Variants in STK32B observed in about 807,000 individuals in gnomAD.
STK32B encodes the protein serine/threonine kinase 32B.
Under a neutral mutation model 52.6 loss-of-function variants are expected in STK32B, and 43 were observed. The observed-to-expected ratio is 0.82, with a 90% CI of 0.64 to 1.05. The LOEUF (loss-of-function observed/expected upper bound fraction) is 1.05, where lower values mean the gene tolerates loss of function less well. Ranked by LOEUF, STK32B falls within the 50% of genes least tolerant of loss-of-function variation. The pLI is 0.00. For synonymous variants in STK32B, 238 were observed against 204.3 expected (o/e 1.17, Z -1.41); for missense variants, 621 against 534.6 (o/e 1.16, Z -1.59).
intron 6 of STK32B, among the ~76,000 whole-genome samples, chr4:5,443,529 C>T (rs1361539848): frequency 6.6e-6 from 1 of 152,132 alleles, no homozygotes; most frequent in African/African-American, 2.4e-5. Context: ...AAGTTTTCAA[C>T]TTCTTTGCCT....
At chr4:5,406,499 G>A (rs1737683754) in intron 5 of STK32B, among the ~76,000 whole-genome samples, 1 of 152,064 alleles carries the variant, frequency 6.6e-6, no homozygotes, top group East Asian at 1.9e-4. Context: ...TCTCAACGAG[G>A]GCCCCACCCC....
rs149151521 is a variant in STK32B at position 5,173,886 on chromosome 4, C to T, written c.260+5436C>T. Among the ~76,000 whole-genome samples, 366 of 152,220 alleles carry T rather than the reference C, an allele frequency of 2.4e-3. 6 individuals carry two copies. In the East Asian group the frequency reaches 0.053, roughly 22 times the overall value. ...TTAACTTTTTGTCTCATTGATCTGT[C>T]TAATGTTGACAGTGGGATGTTAAAG... On this transcript the variant is annotated intron_variant, in intron 3 of 11. Transcript: ENST00000282908.
At chr4:5,474,364 G>A (rs1024419205) in intron 11 of STK32B, among the ~76,000 whole-genome samples, 2 of 152,206 alleles carry the variant, frequency 1.3e-5, no homozygotes, top group African/African-American at 4.8e-5. Flanking sequence ...CAGCCTCTCT[G>A]AGCCTCGGAC....
chr4:5,085,725 C>T (rs1447679735), intron 1 of STK32B, among the ~76,000 whole-genome samples: 3 of 152,128 alleles, frequency 2.0e-5, no homozygotes, highest in African/African-American at 7.2e-5. Context: ...AAGGCTTAGA[C>T]AACCCAAGAG....
chr4:5,277,026 C>A (rs1727867353), intron 3 of STK32B, among the ~76,000 whole-genome samples: 1 of 152,238 alleles, frequency 6.6e-6, no homozygotes, highest in African/African-American at 2.4e-5. Context: ...ACCAGTTTCT[C>A]CAGATGAACT....
intron 1 of STK32B, among the ~76,000 whole-genome samples, chr4:5,123,710 CT>C (rs1715195923): frequency 6.6e-6 from 1 of 152,088 alleles, no homozygotes; most frequent in Admixed American, 6.5e-5. Flanking sequence ...AGGGCCCCAC[CT>C]TTTTGACCCA....
chr4:5,073,142 A>G (rs989723420), intron 1 of STK32B, among the ~76,000 whole-genome samples: 10 of 151,954 alleles, frequency 6.6e-5, no homozygotes, highest in African/African-American at 2.2e-4. Context: ...TATTTGGTAT[A>G]TTTATATTTA....
chr4:5,211,816 T>C (rs764607203), intron 3 of STK32B, among the ~76,000 whole-genome samples: 99 of 152,282 alleles, frequency 6.5e-4, no homozygotes, highest in Non-Finnish European at 1.0e-3. Context: ...CATTTTACAC[T>C]GTGAATCACG....
chr4:5,213,295 A>G (rs748184314), intron 3 of STK32B, among the ~76,000 whole-genome samples: 4 of 152,122 alleles, frequency 2.6e-5, no homozygotes, highest in Non-Finnish European at 5.9e-5. Context: ...AAGCCGACTA[A>G]TGATCATTTT....
At chr4:5,485,720 A>C (rs1719119291) in intron 11 of STK32B, among the ~76,000 whole-genome samples, 1 of 152,062 alleles carries the variant, frequency 6.6e-6, no homozygotes, top group African/African-American at 2.4e-5. Context: ...TTGTGGTTTT[A>C]TCTACCTTTG....
intron 11 of STK32B, among the ~76,000 whole-genome samples, chr4:5,480,825 A>G (rs535866005): frequency 6.6e-6 from 1 of 151,668 alleles, no homozygotes; most frequent in South Asian, 2.1e-4. Flanking sequence ...CAGTGATAAC[A>G]TGCGGTGTTT....
In STK32B at chr4:5,468,044, G is replaced by T. The variant is rs777155245; in HGVS notation, c.1080G>T (p.Glu360Asp). The T allele has an allele frequency of 1.2e-6, 2 of 1,614,032 alleles. No homozygotes were observed. The highest frequency in any genetic ancestry group is 2.7e-5 in the African/African-American group (2 of 74,920). ...AGCACTGTTTGGAGACTGTCCGGGA[G>T]GAATTCATCATATTCAACAGAGAGA... ...HLQHCLETVR[E>D]EFIIFNREKL... Residue 360 changes from glutamate to aspartate, a missense_variant, in exon 11 of 12, where the codon GAG becomes GAT. Transcript: ENST00000282908.
At chr4:5,365,965 C>T (rs1029627449) in intron 4 of STK32B, among the ~76,000 whole-genome samples, 4 of 151,866 alleles carry the variant, frequency 2.6e-5, no homozygotes, top group Non-Finnish European at 5.9e-5. Context: ...TACAGATGTG[C>T]CTGAAGAGTT....
chr4:5,410,353 T>C (rs2109062118), intron 5 of STK32B, among the ~76,000 whole-genome samples: 2 of 151,854 alleles, frequency 1.3e-5, no homozygotes, highest in Admixed American at 1.3e-4. Flanking sequence ...GATGTTCACC[T>C]GAGATTTATT....
At chr4:5,042,715 GA>G in the STK32B span, among the ~76,000 whole-genome samples, 1 of 152,306 alleles carries the variant, frequency 6.6e-6, no homozygotes, top group East Asian at 1.9e-4. Flanking sequence ...CCTTGCAGGG[GA>G]ATGGGAGGAA....
chr4:5,226,820 T>C (rs1577215003), intron 3 of STK32B, among the ~76,000 whole-genome samples: 1 of 152,336 alleles, frequency 6.6e-6, no homozygotes, highest in East Asian at 1.9e-4. Flanking sequence ...CCTGGTTATA[T>C]AGGGTTTGGT....
In STK32B at chr4:5,456,901, G is replaced by C. The variant is rs769289357; in HGVS notation, c.761G>C (p.Gly254Ala). Residue 254 changes from glycine (G) to alanine (A), a missense_variant, in exon 8 of 12, where the codon GGG becomes GCG. Physicochemically the swap from Gly to Ala is moderately conservative, Grantham distance 60. Coordinates refer to ENST00000282908, the MANE Select transcript of STK32B (RefSeq NM_018401.3). ...RVHYSSTWCK[G>A]MVALLRKLLT... ...CACTACTCCTCCACGTGGTGCAAGG[G>C]GATGGTGGCCCTGCTGAGGAAGGTA... 4 of 1,577,564 alleles carry C rather than the reference G, an allele frequency of 2.5e-6. No individual in the cohort carries two copies. The Admixed American group carries it at 5.4e-5, about 21-fold the overall frequency.
intron 4 of STK32B, among the ~76,000 whole-genome samples, chr4:5,352,681 TATG>T (rs762545013): frequency 8.0e-5 from 12 of 150,660 alleles, no homozygotes; most frequent in Admixed American, 7.9e-4. Context: ...GATGATATGA[TATG>T]ATATCTAGAA....
chr4:5,383,766 G>A (rs563364033), intron 4 of STK32B, among the ~76,000 whole-genome samples: 1 of 152,182 alleles, frequency 6.6e-6, no homozygotes, highest in Non-Finnish European at 1.5e-5. Context: ...GACCTCTGGG[G>A]CTGTGTCTGA....
Sources: gnomAD v4.1 joint callset for allele counts (sites outside exome capture counted in the v4.1 genomes callset) on GRCh38, gnomAD v4.1.1 for gene constraint, MANE v1.5 for transcripts, NCBI Gene and HGNC (gene_info 2026-07-23, HGNC 2026-07-21) for gene names.